MATN2: variants seen among roughly 807,000 people sequenced by gnomAD.
MATN2 encodes the protein matrilin-2.
MATN2 carries 69 observed loss-of-function variants against 103.2 expected under a neutral mutation model. The ratio of observed to expected loss-of-function variants is 0.67; its 90% CI spans 0.55 to 0.82. MATN2 has a LOEUF of 0.82. Ranked by LOEUF, MATN2 falls within the 40% of genes least tolerant of loss-of-function variation. The pLI is 0.00. For synonymous variants in MATN2, 429 were observed against 450.2 expected (o/e 0.95, Z 0.60); for missense variants, 1,023 against 1,211.5 (o/e 0.84, Z 2.31).
At chr8:97,901,704 A>G (rs1488469595) in intron 2 of MATN2, among the ~76,000 whole-genome samples, 2 of 152,238 alleles carry the variant, frequency 1.3e-5, no homozygotes, top group African/African-American at 4.8e-5. Context: ...GCTCACCACC[A>G]GTCAGGCTTT....
chr8:98,030,494 G>C lies in MATN2; in HGVS notation c.2389G>C (p.Ala797Pro). Reference sequence around the variant, plus strand: ...TATGTATGCTGTTGGGGTAGGAAAAGCCATTGAGGAGGAACTACAAGAGAT... The same window carrying C: ...TATGTATGCTGTTGGGGTAGGAAAACCCATTGAGGAGGAACTACAAGAGAT... The part of the protein sequence containing the change: ...ITMYAVGVGK[A>P]IEEELQEIAS... The change falls in exon 15 of 19, where the codon GCC becomes CCC. Residue 797 changes from alanine (A) to proline (P), a missense_variant. Coordinates refer to ENST00000254898, the MANE Select transcript of MATN2 (RefSeq NM_002380.5). The C allele has an allele frequency of 3.1e-6, 5 of 1,613,808 alleles. No homozygotes were observed. The highest frequency in any genetic ancestry group is 4.2e-6 in the Non-Finnish European group (5 of 1,179,836).
intron 7 of MATN2, among the ~76,000 whole-genome samples, chr8:97,997,612 T>A (rs1284401500): frequency 6.6e-6 from 1 of 152,216 alleles, no homozygotes; most frequent in Non-Finnish European, 1.5e-5. Flanking sequence ...GATTAAGTTG[T>A]GTCCATCCTG....
chr8:98,016,462 G>A (rs1317331052), intron 10 of MATN2, 78 bp from the exon 11 acceptor site: 1 of 1,287,560 alleles, frequency 7.8e-7, no homozygotes, highest in African/African-American at 1.5e-5. Context: ...TGTCTGAAAT[G>A]TCTTTTATGA....
chr8:98,000,336 C>T (rs1414725543), intron 7 of MATN2, among the ~76,000 whole-genome samples: 9 of 151,750 alleles, frequency 5.9e-5, no homozygotes, highest in East Asian at 3.9e-4. Context: ...CGGTGGCTCA[C>T]GCCTATAATC....
At chr8:97,941,999 C>A (rs906756600) in intron 4 of MATN2, 100 bp downstream of exon 4, 6 of 1,421,834 alleles carry the variant, frequency 4.2e-6, no homozygotes, top group Admixed American at 1.8e-5. Flanking sequence ...ATGCCTCACC[C>A]ACCCCAGTTA....
chr8:97,909,985 G>A (rs948857011), intron 2 of MATN2, among the ~76,000 whole-genome samples: 36 of 151,220 alleles, frequency 2.4e-4, no homozygotes, highest in African/African-American at 7.8e-4. Context: ...GGGTTTCACC[G>A]TGTTAGCCAG....
chr8:98,014,194 T>C (rs1245726017), intron 10 of MATN2, among the ~76,000 whole-genome samples: 1 of 152,068 alleles, frequency 6.6e-6, no homozygotes, highest in Admixed American at 6.6e-5. Context: ...GGCTTAGGGG[T>C]CTGTCTGGAT....
intron 2 of MATN2, among the ~76,000 whole-genome samples, chr8:97,897,540 A>T (rs1428232834): frequency 2.0e-5 from 3 of 152,252 alleles, no homozygotes; most frequent in Non-Finnish European, 2.9e-5. Context: ...TGTCTTTATC[A>T]TCAGAATAGA....
Position 97,978,842 on chromosome 8 carries a change from C to T in MATN2, c.959-44C>T, listed in dbSNP as rs1811924266. 3 of 1,608,102 alleles carry T rather than the reference C, an allele frequency of 1.9e-6. No homozygotes were observed. The East Asian group carries it at 6.7e-5, about 36-fold the overall frequency. On this transcript the variant is annotated intron_variant, in intron 5 of 18. Coordinates refer to ENST00000254898, the MANE Select transcript of MATN2 (RefSeq NM_002380.5). ...GCCCTCATCCTACCATTCCCTTTTCCTCTGTTTGCATTTCTAATTCTGAAT... is the reference window on the plus strand; with the variant it reads ...GCCCTCATCCTACCATTCCCTTTTCTTCTGTTTGCATTTCTAATTCTGAAT...
At chr8:98,033,439 A>C (rs1814112047) in intron 17 of MATN2, 122 bp from the exon 18 acceptor site, 2 of 660,488 alleles carry the variant, frequency 3.0e-6, no homozygotes, top group Admixed American at 6.3e-5. Context: ...ATCTGGCTGC[A>C]TGGAAAAAGT....
chr8:97,911,826 T>C (rs1809452551), intron 2 of MATN2, among the ~76,000 whole-genome samples: 1 of 152,190 alleles, frequency 6.6e-6, no homozygotes, highest in African/African-American at 2.4e-5. Context: ...CTATGCCACA[T>C]TGCTTCCATA....
intron 4 of MATN2, 118 bp from the exon 5 acceptor site, chr8:97,961,290 C>T (rs1811306790): frequency 2.9e-6 from 3 of 1,042,486 alleles, no homozygotes; most frequent in African/African-American, 1.6e-5. Flanking sequence ...TCAAACCTTA[C>T]AATGTTTTTA....
Position 98,007,668 on chromosome 8 carries a change from C to G in MATN2, c.1573+67C>G. ...GTGGGTGCCGGTGTGGGTGCGCTGC[C>G]GACGTGTATATGTGCCTGTGTGTCC... On this transcript the variant is annotated intron_variant, in intron 10 of 18. Coordinates refer to ENST00000254898, the MANE Select transcript of MATN2 (RefSeq NM_002380.5). The surrounding 1 kb of genome is among the most constrained non-coding windows in gnomAD (Gnocchi z 4.2). 1 of 1,551,322 alleles carries G rather than the reference C, an allele frequency of 6.4e-7. No homozygotes were observed. The highest frequency in any genetic ancestry group is 8.8e-7 in the Non-Finnish European group (1 of 1,140,704).
intron 1 of MATN2, among the ~76,000 whole-genome samples, chr8:97,875,997 G>C (rs568337442): frequency 9.3e-5 from 14 of 149,966 alleles, no homozygotes; most frequent in African/African-American, 3.4e-4. Flanking sequence ...GCCTGGCCGA[G>C]TATTTGCCTC....
At chr8:97,898,976 G>A (rs545861142) in intron 2 of MATN2, among the ~76,000 whole-genome samples, 28 of 151,544 alleles carry the variant, frequency 1.8e-4, no homozygotes, top group African/African-American at 3.2e-4. Flanking sequence ...GGCTGTTCTC[G>A]AACTCCTGAG....
chr8:98,021,066 A>G (rs1813571698), intron 12 of MATN2, 139 bp from the exon 13 acceptor site: 3 of 776,804 alleles, frequency 3.9e-6, no homozygotes, highest in East Asian at 3.1e-5. Context: ...TGAGACTGCA[A>G]AAGACATTAT....
At chr8:97,888,054 C>G (rs371733114) in intron 1 of MATN2, 21 bp from the exon 2 acceptor site, 33 of 1,590,526 alleles carry the variant, frequency 2.1e-5, no homozygotes, top group Admixed American at 3.6e-5. Context: ...CTGCCCTCTT[C>G]TTGTGTTGTG....
intron 10 of MATN2, among the ~76,000 whole-genome samples, chr8:98,013,561 G>A (rs916126862): frequency 8.5e-5 from 13 of 152,294 alleles, no homozygotes; most frequent in East Asian, 1.9e-4. Flanking sequence ...CTGATGATTC[G>A]TTGAAATCAT....
chr8:97,872,204 A>T (rs1817919508), intron 1 of MATN2, among the ~76,000 whole-genome samples: 1 of 152,262 alleles, frequency 6.6e-6, no homozygotes, highest in Admixed American at 6.5e-5. Flanking sequence ...ATGTGAATTT[A>T]TCCAACAGTG....
Sources: gnomAD v4.1 joint callset for allele counts (sites outside exome capture counted in the v4.1 genomes callset) on GRCh38, gnomAD v4.1.1 for gene constraint, Gnocchi (gnomAD v3.1) non-coding constraint, MANE v1.5 for transcripts, NCBI Gene and HGNC (gene_info 2026-07-23, HGNC 2026-07-21) for gene names.